Variants in GFRA1 observed in about 807,000 individuals in gnomAD.
The protein encoded by GFRA1 is GDNF family receptor alpha 1.
A neutral mutation model predicts 51.6 loss-of-function variants in GFRA1; 16 were observed. That is an observed-to-expected ratio of 0.31 (90% CI 0.21 to 0.47). GFRA1 has a LOEUF of 0.47. Ranked by LOEUF, GFRA1 falls within the 20% of genes least tolerant of loss-of-function variation. The probability of loss-of-function intolerance (pLI) is 1.00; values close to 1 mark genes in which losing one functional copy is unlikely to be tolerated. For synonymous variants in GFRA1, 270 were observed against 241.3 expected, an observed-to-expected ratio of 1.12 and a Z score of -1.10; for missense variants, 530 against 594.3, an observed-to-expected ratio of 0.89 and a Z score of 1.13.
Position 116,195,646 on chromosome 10 carries a change from G to A in GFRA1, c.433+15985C>T, listed in dbSNP as rs574045895. Among the ~76,000 whole-genome samples the A allele has an allele frequency of 3.3e-5, 5 of 152,320 alleles. No homozygotes were observed. The East Asian group carries it at 9.7e-4, about 29-fold the overall frequency. On this transcript the variant is annotated intron_variant, in intron 5 of 10. Transcript: ENST00000355422. Reference sequence around the variant, plus strand: ...CTGCTGCGCAGCCTGGTTTCTAACAGGCCATGGACCAGTACCAGTCCATGG... The same window carrying A: ...CTGCTGCGCAGCCTGGTTTCTAACAAGCCATGGACCAGTACCAGTCCATGG...
intron 2 of GFRA1, among the ~76,000 whole-genome samples, chr10:116,271,618 TTTCTC>T (rs1199151813): frequency 2.0e-5 from 3 of 152,030 alleles, no homozygotes; most frequent in South Asian, 2.1e-4. Context: ...GGGAAAAACT[TTTCTC>T]TTCCAAGTTT....
At chr10:116,101,368 A>G (rs2133929687) in intron 6 of GFRA1, among the ~76,000 whole-genome samples, 1 of 152,318 alleles carries the variant, frequency 6.6e-6, no homozygotes, top group Admixed American at 6.5e-5. Context: ...ATGAAAAGGA[A>G]ATGAATAGGT....
chr10:116,165,722 G>A (rs2134198839), intron 5 of GFRA1, among the ~76,000 whole-genome samples: 1 of 151,262 alleles, frequency 6.6e-6, no homozygotes, highest in South Asian at 2.1e-4. Context: ...TCTCTCATGA[G>A]GGAAAGAGAG....
At chr10:116,242,763 T>G (rs1312857457) in intron 4 of GFRA1, among the ~76,000 whole-genome samples, 1 of 152,200 alleles carries the variant, frequency 6.6e-6, no homozygotes, top group Non-Finnish European at 1.5e-5. Flanking sequence ...ATTACAGGCA[T>G]AAGGACTGCA....
chr10:116,260,233 G>A (rs1267790080), intron 4 of GFRA1, among the ~76,000 whole-genome samples: 1 of 152,186 alleles, frequency 6.6e-6, no homozygotes, highest in Admixed American at 6.5e-5. Context: ...CCTCAGCTGT[G>A]TCACACTCGC....
chr10:116,247,805 C>T (rs1297177418), intron 4 of GFRA1, among the ~76,000 whole-genome samples: 1 of 152,120 alleles, frequency 6.6e-6, no homozygotes, highest in Non-Finnish European at 1.5e-5. Context: ...TATCATCTGC[C>T]CTCCTCTAGA....
At chr10:116,107,228 C>T (rs1171410561) in intron 6 of GFRA1, among the ~76,000 whole-genome samples, 1 of 152,172 alleles carries the variant, frequency 6.6e-6, no homozygotes, top group Non-Finnish European at 1.5e-5. Flanking sequence ...CACCTGTTGA[C>T]ATCTATTCCT....
chr10:116,169,892 G>A (rs1251527195), intron 5 of GFRA1, among the ~76,000 whole-genome samples: 1 of 152,186 alleles, frequency 6.6e-6, no homozygotes, highest in Non-Finnish European at 1.5e-5. Flanking sequence ...AAAGAGCACT[G>A]ATTGTAACAC....
chr10:116,115,891 T>C (rs74158590), intron 6 of GFRA1, among the ~76,000 whole-genome samples: 203 of 152,178 alleles, frequency 1.3e-3, no homozygotes, highest in African/African-American at 4.3e-3. Flanking sequence ...AGGGTTCTCT[T>C]TGAAGAGAGA....
intron 5 of GFRA1, among the ~76,000 whole-genome samples, chr10:116,186,703 CTTAA>C (rs754455285): frequency 2.0e-5 from 3 of 152,006 alleles, no homozygotes; most frequent in Non-Finnish European, 4.4e-5. Context: ...TTATCATCTG[CTTAA>C]TTAATCACAA....
intron 5 of GFRA1, among the ~76,000 whole-genome samples, chr10:116,179,370 T>C (rs1403734834): frequency 6.6e-6 from 1 of 152,234 alleles, no homozygotes; most frequent in Non-Finnish European, 1.5e-5. Flanking sequence ...TTGGCTTTTA[T>C]TTATGTCCTC....
chr10:116,268,201 A>G (rs1365447268), intron 4 of GFRA1, among the ~76,000 whole-genome samples: 1 of 152,212 alleles, frequency 6.6e-6, no homozygotes, highest in Non-Finnish European at 1.5e-5. Flanking sequence ...TTAGAATCAA[A>G]CAAATTTGAG....
chr10:116,234,672 C>A (rs929521030), intron 4 of GFRA1, among the ~76,000 whole-genome samples: 9 of 152,186 alleles, frequency 5.9e-5, no homozygotes, highest in African/African-American at 2.2e-4. Context: ...CCACTCAGGG[C>A]TACTGGACAG....
chr10:116,227,354 C>A (rs966567426), intron 4 of GFRA1, among the ~76,000 whole-genome samples: 6 of 152,270 alleles, frequency 3.9e-5, no homozygotes, highest in Admixed American at 3.9e-4. Flanking sequence ...CAAACTTATT[C>A]TTTGGAGCTA....
chr10:116,155,710 C>G (rs1959186472), intron 5 of GFRA1, among the ~76,000 whole-genome samples: 1 of 152,112 alleles, frequency 6.6e-6, no homozygotes, highest in Non-Finnish European at 1.5e-5. Context: ...TTTCCTAGTG[C>G]CTCATGAAAA....
In GFRA1 at chr10:116,095,957, CCT is replaced by C. The variant is rs141065488; in HGVS notation, c.880+696_880+697del. ...GGTACCTGGGACACCTGCCTTTCCC[CCT>C]GACAGCCCCTGGTATCCAGGGGTCC... On this transcript the variant is annotated intron_variant, in intron 7 of 10. Coordinates refer to ENST00000355422, the MANE Select transcript of GFRA1 (RefSeq NM_005264.8). 3.6e-3 allele frequency among the ~76,000 whole-genome samples: 550 copies of C among 152,260 alleles called. 3 individuals are homozygous for C. The highest frequency in any genetic ancestry group is 0.013 in the African/African-American group (520 of 41,558).
At chr10:116,177,665 G>A (rs78191775) in intron 5 of GFRA1, among the ~76,000 whole-genome samples, 2,140 of 152,264 alleles carry the variant, frequency 0.014, 57 homozygotes, top group African/African-American at 0.049. Context: ...CGAGGAGATG[G>A]CAATTAGCTG....
rs114968407 is a variant in GFRA1, at chr10:116,075,208, T to C, written c.1198-9582A>G. On this transcript the variant is annotated intron_variant, in intron 9 of 10. Coordinates refer to ENST00000355422, the MANE Select transcript of GFRA1 (RefSeq NM_005264.8). ...CTAAGTCTTTCTCATTTTTTGAGAATAGTGGTTTAAAAAAAAAAGTGCTTA... is the reference window on the plus strand; with the variant it reads ...CTAAGTCTTTCTCATTTTTTGAGAACAGTGGTTTAAAAAAAAAAGTGCTTA... Among the ~76,000 whole-genome samples, 1,421 of 152,056 alleles carry C rather than the reference T, an allele frequency of 9.3e-3. 33 individuals carry two copies. The highest frequency in any genetic ancestry group is 0.033 in the African/African-American group (1,363 of 41,418).
At chr10:116,240,017 G>A (rs867277057) in intron 4 of GFRA1, among the ~76,000 whole-genome samples, 1 of 152,084 alleles carries the variant, frequency 6.6e-6, no homozygotes, top group South Asian at 2.1e-4. Flanking sequence ...ATTCACAGAG[G>A]GAGAAAGGAT....
Sources: allele counts gnomAD v4.1 joint callset (sites outside exome capture counted in the v4.1 genomes callset), GRCh38; gene constraint gnomAD v4.1.1; transcripts MANE v1.5; gene names NCBI Gene and HGNC (gene_info 2026-07-23, HGNC 2026-07-21).